PCDHGA1: variants seen among roughly 807,000 people sequenced by gnomAD.
PCDHGA1 encodes the protein protocadherin gamma subfamily A, 1.
Under a neutral mutation model 58.0 loss-of-function variants are expected in PCDHGA1, and 32 were observed. The ratio of observed to expected loss-of-function variants is 0.55; its 90% CI spans 0.42 to 0.74. PCDHGA1 has a LOEUF of 0.74. PCDHGA1 is among the 30% of genes least tolerant of loss of function. The probability of loss-of-function intolerance (pLI) is 0.00; values close to 1 mark genes in which losing one functional copy is unlikely to be tolerated. For synonymous variants in PCDHGA1, 498 were observed against 501.1 expected, an observed-to-expected ratio of 0.99 and a Z score of 0.08; for missense variants, 1,205 against 1,182.3, an observed-to-expected ratio of 1.02 and a Z score of -0.28.
Position 141,493,359 on chromosome 5 carries a change from G to A in PCDHGA1, c.2422-1448G>A, listed in dbSNP as rs956980110. Among the ~76,000 whole-genome samples the A allele has an allele frequency of 2.6e-5, 4 of 152,148 alleles. No homozygotes were observed. The highest frequency in any genetic ancestry group is 9.7e-5 in the African/African-American group (4 of 41,418). ...CCAGAATGTGTGCTTTTAATTTCTT[G>A]GCACTTGGAACTTTAAAAGCTTGAG... On this transcript the variant is annotated intron_variant, in intron 1 of 3. Transcript: ENST00000517417. This position sits in a 1 kb window ranked among gnomAD's most constrained non-coding sequence, Gnocchi z 4.3.
At chr5:141,350,728 T>A (rs779732402) in intron 1 of PCDHGA1, 29 of 1,613,856 alleles carry the variant, frequency 1.8e-5, no homozygotes, top group Non-Finnish European at 2.4e-5. Flanking sequence ...CTGCTCAAGA[T>A]GCAGATGTGG....
intron 1 of PCDHGA1, chr5:141,433,307 C>T (rs982853368): frequency 2.2e-6 from 2 of 913,640 alleles, no homozygotes; most frequent in Admixed American, 2.7e-5. Context: ...AATTATCCCA[C>T]CTTTGCCTCC....
chr5:141,433,397 A>ATCTATCTATCTG (rs2097600396), intron 1 of PCDHGA1, among the ~76,000 whole-genome samples: 2 of 150,410 alleles, frequency 1.3e-5, no homozygotes, highest in African/African-American at 2.5e-5. Flanking sequence ...CTATCTATCT[A>ATCTATCTATCTG]TCTATCTATT....
chr5:141,352,027 G>C (rs764316289), intron 1 of PCDHGA1: 39 of 1,609,132 alleles, frequency 2.4e-5, no homozygotes, highest in Middle Eastern at 2.0e-4. Flanking sequence ...AGGTGGTGGC[G>C]GTGGACGCAG....
rs750014647 is a variant in PCDHGA1, at chr5:141,426,649, T to C, written c.2422-68158T>C. 53 of 418,716 alleles carry C rather than the reference T, an allele frequency of 1.3e-4. 1 individual carries two copies. Among genetic ancestry groups the C allele is most frequent in the South Asian group, 6.9e-4 (42 of 60,762 alleles). The allele number at this position is 418,716 out of a possible 1,614,324, so 25.9% of individuals were successfully genotyped here. On this transcript the variant is annotated intron_variant, in intron 1 of 3. Coordinates refer to ENST00000517417, the MANE Select transcript of PCDHGA1 (RefSeq NM_018912.3). Reference sequence around the variant, plus strand: ...AATGTTTTTCACATAAATGTGATGATAGAAGATATAAATGATAACCCACCT... The same window carrying C: ...AATGTTTTTCACATAAATGTGATGACAGAAGATATAAATGATAACCCACCT...
chr5:141,410,045 G>C (rs962300160), intron 1 of PCDHGA1: 1 of 1,613,166 alleles, frequency 6.2e-7, no homozygotes. Context: ...CAGTGAGCCC[G>C]GACTCTTCAG....
intron 1 of PCDHGA1, chr5:141,356,396 G>A (rs774336952): frequency 1.3e-6 from 2 of 1,581,424 alleles, no homozygotes; most frequent in Non-Finnish European, 8.6e-7. Context: ...AAGACCTATG[G>A]AAATTATTAT....
At chr5:141,337,268 TG>T (rs2149718534) in intron 1 of PCDHGA1, among the ~76,000 whole-genome samples, 1 of 152,340 alleles carries the variant, frequency 6.6e-6, no homozygotes, top group South Asian at 2.1e-4. Flanking sequence ...AATTCCACTC[TG>T]GTTATTACCC....
chr5:141,402,908 G>C (rs772824235), intron 1 of PCDHGA1: 1 of 1,545,226 alleles, frequency 6.5e-7, no homozygotes, highest in African/African-American at 1.4e-5. Flanking sequence ...TGATGAAGCA[G>C]CGCGCACAGA....
rs114855745 is a variant in PCDHGA1 at position 141,331,795 on chromosome 5, G to A, written c.1111G>A (p.Val371Met). The A allele has an allele frequency of 6.2e-7, 1 of 1,614,146 alleles. No individual in the cohort carries two copies. The highest frequency in any genetic ancestry group is 8.5e-7 in the Non-Finnish European group (1 of 1,180,026). The change falls in exon 1 of 4, where the codon GTG becomes ATG. Residue 371 changes from valine (V) to methionine (M), a missense_variant. Physicochemically the swap from Val to Met is conservative, Grantham distance 21 (BLOSUM62 1). Transcript: ENST00000517417. ...TGGGACCATAATTGCTCTTATCAGT[G>A]TGCATGACCAGGACTCAGGAGACAA... is the stretch of plus-strand genomic sequence containing the variant. The part of the protein sequence containing the change: ...PPGTIIALIS[V>M]HDQDSGDNGY...
chr5:141,404,586 A>G, intron 1 of PCDHGA1: 1 of 1,614,008 alleles, frequency 6.2e-7, no homozygotes, highest in Non-Finnish European at 8.5e-7. Context: ...CTTAGCAGCA[A>G]TGTGTCATTG....
At chr5:141,414,233 T>A in intron 1 of PCDHGA1, 1 of 1,613,474 alleles carries the variant, frequency 6.2e-7, no homozygotes, top group Non-Finnish European at 8.5e-7. Flanking sequence ...GAGCTGACCA[T>A]CACGTCTCTA....
chr5:141,361,662 G>T, intron 1 of PCDHGA1: 1 of 1,613,714 alleles, frequency 6.2e-7, no homozygotes, highest in South Asian at 1.1e-5. Context: ...CCGTGAGCGC[G>T]CAGAGCGGGG....
At chr5:141,456,099 G>A (rs1428094221) in intron 1 of PCDHGA1, among the ~76,000 whole-genome samples, 5 of 151,980 alleles carry the variant, frequency 3.3e-5, no homozygotes, top group East Asian at 1.9e-4. Flanking sequence ...GGATTTCACC[G>A]TGTTAGCCAG....
rs753740468 is a variant in PCDHGA1, at chr5:141,339,974, G to A, written c.2421+6869G>A. Reference sequence around the variant, plus strand: ...CCTTCTAACCAGAGCGAAGGTTATCGTCACGGTTCTGGATGTGAATGACAA... The same window carrying A: ...CCTTCTAACCAGAGCGAAGGTTATCATCACGGTTCTGGATGTGAATGACAA... On this transcript the variant is annotated intron_variant, in intron 1 of 3. Coordinates refer to ENST00000517417, the MANE Select transcript of PCDHGA1 (RefSeq NM_018912.3). The A allele has an allele frequency of 5.6e-5, 91 of 1,613,976 alleles. No homozygotes were observed. In the Admixed American group the frequency reaches 9.8e-4, roughly 17 times the overall value.
chr5:141,345,719 C>T, intron 1 of PCDHGA1: 1 of 1,614,258 alleles, frequency 6.2e-7, no homozygotes, highest in South Asian at 1.1e-5. Flanking sequence ...CGCCCGAGAT[C>T]CTGTACCCCG....
intron 1 of PCDHGA1, chr5:141,355,975 A>C (rs1283437622): frequency 6.2e-7 from 1 of 1,613,828 alleles, no homozygotes; most frequent in Admixed American, 1.7e-5. Context: ...TCCTGTAGGC[A>C]CTCGGCTACT....
At chr5:141,376,011 T>C (rs1173303153) in intron 1 of PCDHGA1, 1 of 1,613,332 alleles carries the variant, frequency 6.2e-7, no homozygotes, top group Non-Finnish European at 8.5e-7. Context: ...CAGAGCCTAG[T>C]GGTGGCCGTC....
chr5:141,338,986 A>C, intron 1 of PCDHGA1: 1 of 1,541,010 alleles, frequency 6.5e-7, no homozygotes, highest in East Asian at 2.3e-5. Context: ...CGGCTCTGCA[A>C]AAGTTGCCAC....
Sources: allele counts gnomAD v4.1 joint callset (sites outside exome capture counted in the v4.1 genomes callset), GRCh38; gene constraint gnomAD v4.1.1; non-coding constraint Gnocchi (gnomAD v3.1); transcripts MANE v1.5; gene names NCBI Gene and HGNC (gene_info 2026-07-23, HGNC 2026-07-21).